The following PPP1R1C variants were observed in gnomAD, a reference collection of about 807,000 sequenced individuals.
PPP1R1C encodes protein phosphatase 1 regulatory inhibitor subunit 1C, also known as protein phosphatase 1 regulatory subunit 1C.
PPP1R1C carries 15 observed loss-of-function variants against 17.4 expected under a neutral mutation model. That is an observed-to-expected ratio of 0.86 (90% CI 0.58 to 1.33). The LOEUF (loss-of-function observed/expected upper bound fraction) is 1.33, where lower values mean the gene tolerates loss of function less well. Ranked by LOEUF, PPP1R1C falls within the 40% of genes most tolerant of loss-of-function variation. The pLI is 0.00. For synonymous variants in PPP1R1C, 35 were observed against 43.1 expected, an observed-to-expected ratio of 0.81 and a Z score of 0.73; for missense variants, 143 against 130.0, an observed-to-expected ratio of 1.10 and a Z score of -0.48.
intron 4 of PPP1R1C, among the ~76,000 whole-genome samples, chr2:182,116,561 G>T (rs1689588461): frequency 6.6e-6 from 1 of 152,126 alleles, no homozygotes. Flanking sequence ...GTAGGTTAGT[G>T]TTGTTAAGTG....
intron 2 of PPP1R1C, among the ~76,000 whole-genome samples, chr2:182,022,369 A>T (rs1178681775): frequency 5.9e-5 from 9 of 152,238 alleles, no homozygotes; most frequent in Non-Finnish European, 8.8e-5. Context: ...AGTTGCCTTC[A>T]TTCTTTGTGA....
intron 2 of PPP1R1C, among the ~76,000 whole-genome samples, chr2:182,008,478 A>G (rs552412937): frequency 6.6e-6 from 1 of 152,308 alleles, no homozygotes; most frequent in South Asian, 2.1e-4. Flanking sequence ...TAGCCATCGA[A>G]GGATCCTACA....
At chr2:182,070,637 A>G (rs1688112503) in intron 4 of PPP1R1C, among the ~76,000 whole-genome samples, 1 of 152,218 alleles carries the variant, frequency 6.6e-6, no homozygotes. Context: ...TTTATGTCTC[A>G]TGTTAGTATG....
intron 2 of PPP1R1C, among the ~76,000 whole-genome samples, chr2:182,028,530 G>C (rs1327832402): frequency 5.3e-5 from 8 of 152,146 alleles, no homozygotes; most frequent in Non-Finnish European, 1.0e-4. Context: ...TTTTGAGTGA[G>C]ATTCTTAATC....
chr2:182,124,636 G>C (rs1279259899), intron 5 of PPP1R1C, among the ~76,000 whole-genome samples: 2 of 151,964 alleles, frequency 1.3e-5, no homozygotes, highest in Non-Finnish European at 2.9e-5. Flanking sequence ...TGCATTCCTA[G>C]GTGTTTTACT....
At chr2:182,024,949 CTTCTTT>C (rs1452070982) in intron 2 of PPP1R1C, among the ~76,000 whole-genome samples, 50 of 148,768 alleles carry the variant, frequency 3.4e-4, no homozygotes, top group African/African-American at 1.1e-3. Context: ...TTAATATATT[CTTCTTT>C]TTTTTTTTTT....
chr2:182,010,938 A>G (rs1462074323), intron 2 of PPP1R1C, among the ~76,000 whole-genome samples: 1 of 152,068 alleles, frequency 6.6e-6, no homozygotes, highest in African/African-American at 2.4e-5. Context: ...TGATTTGTGT[A>G]TGTTGAACCA....
At chr2:181,969,407 A>G (rs1487814504) in intron 1 of PPP1R1C, among the ~76,000 whole-genome samples, 2 of 152,068 alleles carry the variant, frequency 1.3e-5, no homozygotes, top group South Asian at 2.1e-4. Context: ...AGCACTTTAT[A>G]TATGTCACAC....
intron 2 of PPP1R1C, among the ~76,000 whole-genome samples, chr2:182,002,704 A>G (rs1194589825): frequency 6.6e-6 from 1 of 152,144 alleles, no homozygotes; most frequent in Non-Finnish European, 1.5e-5. Context: ...TTTTCATGAC[A>G]TTGTTTATTA....
chr2:182,040,101 G>A (rs1687136657), intron 2 of PPP1R1C, among the ~76,000 whole-genome samples: 1 of 152,114 alleles, frequency 6.6e-6, no homozygotes, highest in Non-Finnish European at 1.5e-5. Context: ...TGTGAATTTT[G>A]CAACAATAAA....
At position 181,986,102 on chromosome 2, in the gene PPP1R1C, A is replaced by G. The variant is rs568437567; in HGVS notation, c.-9A>G. The G allele has an allele frequency of 1.7e-5, 27 of 1,611,340 alleles. No individual in the cohort carries two copies. The Middle Eastern group carries it at 8.2e-4, about 49-fold the overall frequency. ...CTCTTCACATCTCTGACTAATTATC[A>G]TCATTACCATGGAGCCCAACAGTCC... is the stretch of plus-strand genomic sequence containing the variant. On this transcript the variant is annotated 5_prime_UTR_variant, in exon 1 of 5. Coordinates refer to ENST00000682840, the MANE Select transcript of PPP1R1C (RefSeq NM_001080545.3).
intron 2 of PPP1R1C, among the ~76,000 whole-genome samples, chr2:182,030,327 TC>T: frequency 6.6e-6 from 1 of 152,334 alleles, no homozygotes; most frequent in African/African-American, 2.4e-5. Context: ...TTCTGTTTTT[TC>T]CCCATCTTTG....
rs186320085 is a variant in PPP1R1C at position 182,100,282 on chromosome 2, C to T, written c.242-16925C>T. Among the ~76,000 whole-genome samples the T allele has an allele frequency of 6.9e-4, 105 of 152,058 alleles. 2 individuals carry two copies. The highest frequency in any genetic ancestry group is 2.4e-3 in the African/African-American group (101 of 41,472). Reference sequence around the variant, plus strand: ...GTCCCGGCACTTTGGGAGGCTGAGGCGGGTGAATCACGAGGTCAAGAGATT... The same window carrying T: ...GTCCCGGCACTTTGGGAGGCTGAGGTGGGTGAATCACGAGGTCAAGAGATT... On this transcript the variant is annotated intron_variant, in intron 4 of 4. Coordinates refer to ENST00000682840, the MANE Select transcript of PPP1R1C (RefSeq NM_001080545.3).
chr2:182,110,174 T>C (rs1207077582), intron 4 of PPP1R1C, among the ~76,000 whole-genome samples: 1 of 152,132 alleles, frequency 6.6e-6, no homozygotes, highest in Non-Finnish European at 1.5e-5. Context: ...GGATATACTA[T>C]CTACTCTGAT....
Position 181,992,430 on chromosome 2 carries a change from G to A in PPP1R1C, c.142+4531G>A, listed in dbSNP as rs1685498814. Among the ~76,000 whole-genome samples, 2 of 134,614 alleles carry A rather than the reference G, an allele frequency of 1.5e-5. 1 individual carries two copies. Among genetic ancestry groups the A allele is most frequent in the Admixed American group, 1.5e-4 (2 of 13,668 alleles). 88.3% of individuals were successfully genotyped at this position (134,614 alleles called of 152,430 possible). ...TGCTCTGCCTTTGAAGCCCAGAGCT[G>A]GACACAGTCTTCCAGTAAAAAGCCA... On this transcript the variant is annotated intron_variant, in intron 2 of 4. Transcript: ENST00000682840.
At chr2:181,986,329 G>T in intron 1 of PPP1R1C, 138 bp downstream of exon 1, 2 of 679,928 alleles carry the variant, frequency 2.9e-6, no homozygotes. Flanking sequence ...GAAATAAGTT[G>T]GTTTTTACAC....
intron 4 of PPP1R1C, among the ~76,000 whole-genome samples, chr2:182,077,403 C>G (rs1316867690): frequency 6.6e-6 from 1 of 152,254 alleles, no homozygotes; most frequent in East Asian, 1.9e-4. Flanking sequence ...CTGGCAATGT[C>G]AAAGCTTTAT....
chr2:182,032,177 G>C (rs1686864256), intron 2 of PPP1R1C, among the ~76,000 whole-genome samples: 1 of 152,170 alleles, frequency 6.6e-6, no homozygotes. Context: ...AAAAGTCAAG[G>C]GGGCCATCCC....
At chr2:182,092,517 A>C (rs1490072006) in intron 4 of PPP1R1C, among the ~76,000 whole-genome samples, 1 of 152,194 alleles carries the variant, frequency 6.6e-6, no homozygotes, top group African/African-American at 2.4e-5. Flanking sequence ...AACTCATTTC[A>C]TCATTAACTC....
Sources: allele counts gnomAD v4.1 joint callset (sites outside exome capture counted in the v4.1 genomes callset), GRCh38; gene constraint gnomAD v4.1.1; transcripts MANE v1.5; gene names NCBI Gene and HGNC (gene_info 2026-07-23, HGNC 2026-07-21).